Variants in NEK1 observed in about 807,000 individuals in gnomAD.
NEK1 encodes the protein serine/threonine-protein kinase Nek1.
In NEK1, 137 loss-of-function variants were observed where a neutral mutation model predicts 182.1. The observed-to-expected ratio is 0.75, with a 90% CI of 0.65 to 0.87. The LOEUF is 0.87. Among genes scored for constraint, NEK1 ranks in the 40% least tolerant of loss-of-function variants. The pLI is 0.00. For synonymous variants in NEK1, 513 were observed against 492.2 expected, an observed-to-expected ratio of 1.04 and a Z score of -0.56; for missense variants, 1,391 against 1,494.4, an observed-to-expected ratio of 0.93 and a Z score of 1.14.
chr4:169,590,706 T>A lies in NEK1; in HGVS notation c.396+20A>T. On this transcript the variant is annotated intron_variant, in intron 6 of 35. Transcript: ENST00000507142. Reference sequence around the variant, plus strand: ...CATGTCTTTATCCATTCAGAAGTTATCAGTGACAGAATAACATACCTGAGA... The same window carrying A: ...CATGTCTTTATCCATTCAGAAGTTAACAGTGACAGAATAACATACCTGAGA... 2.0e-6 allele frequency: 3 copies of A among 1,536,160 alleles called. No homozygotes were observed. The highest frequency in any genetic ancestry group is 2.7e-6 in the Non-Finnish European group (3 of 1,126,156).
chr4:169,446,555 T>C (rs1412676553), intron 27 of NEK1, among the ~76,000 whole-genome samples: 2 of 151,786 alleles, frequency 1.3e-5, no homozygotes, highest in Non-Finnish European at 2.9e-5. Context: ...CCTCACCAAA[T>C]AACTAAATAA....
chr4:169,604,721 C>G (rs1332071715), intron 2 of NEK1, among the ~76,000 whole-genome samples: 1 of 152,130 alleles, frequency 6.6e-6, no homozygotes, highest in Non-Finnish European at 1.5e-5. Flanking sequence ...GCCTACAAGA[C>G]CAGACCACAG....
At chr4:169,472,929 C>T (rs1403292365) in intron 26 of NEK1, among the ~76,000 whole-genome samples, 2 of 151,968 alleles carry the variant, frequency 1.3e-5, no homozygotes, top group Non-Finnish European at 2.9e-5. Flanking sequence ...GTGATTAGTT[C>T]TTTAAAAATA....
At chr4:169,425,081 T>G (rs1027824247) in intron 30 of NEK1, among the ~76,000 whole-genome samples, 2 of 152,190 alleles carry the variant, frequency 1.3e-5, no homozygotes, top group African/African-American at 4.8e-5. Context: ...ATGCCTGTAA[T>G]CCCAGCCCCT....
intron 19 of NEK1, among the ~76,000 whole-genome samples, chr4:169,513,966 G>GTTATTTATTTATTTAT (rs35041721): frequency 0.078 from 11,298 of 144,536 alleles, 1,088 homozygotes; most frequent in African/African-American, 0.23. Flanking sequence ...GAGGATTTTT[G>GTTATTTATTTATTTAT]TTATTTATTT....
At chr4:169,407,507 A>G in intron 31 of NEK1, among the ~76,000 whole-genome samples, 1 of 152,246 alleles carries the variant, frequency 6.6e-6, no homozygotes, top group East Asian at 1.9e-4. Context: ...TTGCAGGAAC[A>G]GTAAGAAGAA....
At chr4:169,564,699 T>C (rs1324250369) in intron 12 of NEK1, among the ~76,000 whole-genome samples, 1 of 152,168 alleles carries the variant, frequency 6.6e-6, no homozygotes, top group Non-Finnish European at 1.5e-5. Context: ...AAACTGCATA[T>C]TTCTTTCTAA....
Position 169,400,651 on chromosome 4 carries a change from T to C in NEK1, c.3584A>G (p.Asp1195Gly). 14 of 1,569,918 alleles carry C rather than the reference T, an allele frequency of 8.9e-6. No homozygotes were observed. The highest frequency in any genetic ancestry group is 1.1e-5 in the Non-Finnish European group (13 of 1,157,208). ...ESALNEEWHS[D>G]NSDGEIASEC... The stretch of plus-strand genomic sequence containing the variant: ...ACTAGCAATTTCACCATCACTGTTA[T>C]CTAAAAAACAAAATTAAAATAGAGA... Residue 1195 changes from aspartate to glycine, a missense_variant and splice_region_variant, in exon 34 of 36, where the codon GAT becomes GGT. This residue lies in a region of NEK1 where 1,216 missense variants were observed against 1,277.6 expected (regional missense o/e 0.95). Coordinates refer to ENST00000507142, the MANE Select transcript of NEK1 (RefSeq NM_001199397.3).
rs2111266246 is a variant in NEK1 at position 169,419,461 on chromosome 4, G to A, written c.3222+5092C>T. 2.6e-5 allele frequency among the ~76,000 whole-genome samples: 4 copies of A among 152,184 alleles called. No individual in the cohort carries two copies. In the Middle Eastern group the frequency reaches 0.014, roughly 518 times the overall value. Reference sequence around the variant, plus strand: ...AAAGGAACAAAAAATGTCAGAAATAGTAAACATGTAAATATAAAATACTTT... The same window carrying A: ...AAAGGAACAAAAAATGTCAGAAATAATAAACATGTAAATATAAAATACTTT... On this transcript the variant is annotated intron_variant, in intron 31 of 35. Transcript: ENST00000507142.
intron 26 of NEK1, among the ~76,000 whole-genome samples, chr4:169,472,187 A>G (rs1361157011): frequency 6.6e-6 from 1 of 152,036 alleles, no homozygotes; most frequent in Non-Finnish European, 1.5e-5. Context: ...AAAAAAAACA[A>G]AAAACTCCTG....
rs148472875 is a variant in NEK1 at position 169,481,965 on chromosome 4, T to A, written c.2008-2431A>T. Among the ~76,000 whole-genome samples the A allele has an allele frequency of 6.4e-3, 978 of 152,334 alleles. 12 individuals carry two copies. The highest frequency in any genetic ancestry group is 0.023 in the African/African-American group (941 of 41,574). On this transcript the variant is annotated intron_variant, in intron 23 of 35. Coordinates refer to ENST00000507142, the MANE Select transcript of NEK1 (RefSeq NM_001199397.3). The stretch of plus-strand genomic sequence containing the variant: ...TTATCTACACTGAAAATCTGTTGTT[T>A]AGTATTACCACCTTTATCAATGATC...
chr4:169,512,013 C>T (rs894442151), intron 19 of NEK1, among the ~76,000 whole-genome samples: 10 of 152,018 alleles, frequency 6.6e-5, no homozygotes, highest in Non-Finnish European at 1.3e-4. Context: ...CATTCATTCA[C>T]CCATTAAAGG....
At chr4:169,546,325 T>C (rs140743996) in intron 18 of NEK1, among the ~76,000 whole-genome samples, 6,762 of 152,294 alleles carry the variant, frequency 0.044, 220 homozygotes, top group Non-Finnish European at 0.06. Flanking sequence ...GAGTTCTAAT[T>C]TGACTGCACT....
At chr4:169,537,948 C>A in intron 18 of NEK1, 37 bp from the exon 19 acceptor site, 3 of 1,408,346 alleles carry the variant, frequency 2.1e-6, no homozygotes, top group Non-Finnish European at 1.9e-6. Flanking sequence ...CCATCCTGAA[C>A]AGAAAATATT....
rs186934899 is a variant in NEK1, at chr4:169,436,424, G to T, written c.2764+1659C>A. 5.4e-4 allele frequency among the ~76,000 whole-genome samples: 82 copies of T among 152,308 alleles called. 1 individual carries two copies. Among genetic ancestry groups the T allele is most frequent in the Non-Finnish European group, 9.4e-4 (64 of 68,026 alleles). ...AGTTACTGGAGGCTGAAGAAAAGGG[G>T]ATTCTTGCTCTACGGTGGCTGAAAA... On this transcript the variant is annotated intron_variant, in intron 28 of 35. Transcript: ENST00000507142.
chr4:169,435,999 G>A (rs1029925610), intron 28 of NEK1, among the ~76,000 whole-genome samples: 1 of 152,238 alleles, frequency 6.6e-6, no homozygotes, highest in East Asian at 1.9e-4. Flanking sequence ...AAACTCTTGG[G>A]CTCAAGTGAT....
intron 19 of NEK1, among the ~76,000 whole-genome samples, chr4:169,512,931 C>T (rs1479946082): frequency 1.3e-5 from 2 of 152,062 alleles, no homozygotes; most frequent in Non-Finnish European, 2.9e-5. Context: ...TATTCTGGGA[C>T]TCTCCATAGT....
At chr4:169,530,714 A>G (rs1391154268) in intron 19 of NEK1, among the ~76,000 whole-genome samples, 1 of 151,736 alleles carries the variant, frequency 6.6e-6, no homozygotes, top group African/African-American at 2.4e-5. Flanking sequence ...TGTTGGGGGT[A>G]GAACGAGAGA....
At chr4:169,498,774 G>A (rs1270465254) in intron 23 of NEK1, among the ~76,000 whole-genome samples, 1 of 152,182 alleles carries the variant, frequency 6.6e-6, no homozygotes, top group African/African-American at 2.4e-5. Flanking sequence ...CTAGAGATCA[G>A]CTGTTAGTCT....
Sources: allele counts gnomAD v4.1 joint callset (sites outside exome capture counted in the v4.1 genomes callset), GRCh38; gene constraint gnomAD v4.1.1; regional missense constraint gnomAD v4.1.1; transcripts MANE v1.5; gene names NCBI Gene and HGNC (gene_info 2026-07-23, HGNC 2026-07-21).